The following CHRM3 variants were observed in gnomAD, a reference collection of about 807,000 sequenced individuals.
CHRM3 encodes the protein muscarinic acetylcholine receptor M3.
A neutral mutation model predicts 41.8 loss-of-function variants in CHRM3; 11 were observed. The observed-to-expected ratio is 0.26, with a 90% CI of 0.17 to 0.44. The LOEUF is 0.44. Ranked by LOEUF, CHRM3 falls within the 20% of genes least tolerant of loss-of-function variation. The probability of loss-of-function intolerance (pLI) is 1.00; values close to 1 mark genes in which losing one functional copy is unlikely to be tolerated. For synonymous variants in CHRM3, 297 were observed against 301.4 expected (o/e 0.99, Z 0.15); for missense variants, 571 against 745.4 (o/e 0.77, Z 2.72).
At chr1:239,444,927 G>A (rs1167889197) in intron 1 of CHRM3, among the ~76,000 whole-genome samples, 1 of 152,178 alleles carries the variant, frequency 6.6e-6, no homozygotes, top group African/African-American at 2.4e-5. Flanking sequence ...GAGCAAAGAT[G>A]TCACTGAGGT....
chr1:239,546,386 AC>A (rs1659302289), intron 3 of CHRM3: 1 of 152,154 alleles, frequency 6.6e-6, no homozygotes. Context: ...AACAGAGGTA[AC>A]GGATGTGAAA....
chr1:239,642,428 G>C (rs371198059), intron 4 of CHRM3, among the ~76,000 whole-genome samples: 5 of 151,978 alleles, frequency 3.3e-5, no homozygotes, highest in Non-Finnish European at 4.4e-5. Context: ...TTGGTCTTTT[G>C]ACATAGTCCC....
intron 5 of CHRM3, among the ~76,000 whole-genome samples, chr1:239,756,458 G>T (rs921601306): frequency 6.6e-6 from 1 of 152,134 alleles, no homozygotes; most frequent in African/African-American, 2.4e-5. Context: ...TTGTGGATTA[G>T]AATTCTACCT....
chr1:239,810,789 C>T (rs1671059128), intron 5 of CHRM3, among the ~76,000 whole-genome samples: 1 of 152,222 alleles, frequency 6.6e-6, no homozygotes, highest in African/African-American at 2.4e-5. Flanking sequence ...TGTTTATCAA[C>T]CCTTTGAGGC....
intron 3 of CHRM3, among the ~76,000 whole-genome samples, chr1:239,551,507 G>C (rs1367220911): frequency 7.4e-6 from 1 of 134,458 alleles, no homozygotes; most frequent in Non-Finnish European, 1.6e-5. Context: ...TAAAAATAGA[G>C]CAAAAAATAA....
chr1:239,667,539 G>A (rs934710286), intron 4 of CHRM3, among the ~76,000 whole-genome samples: 7 of 152,068 alleles, frequency 4.6e-5, no homozygotes, highest in African/African-American at 1.4e-4. Flanking sequence ...CACCACTTTT[G>A]GGCAGATGTT....
intron 3 of CHRM3, among the ~76,000 whole-genome samples, chr1:239,578,432 T>C (rs1662573904): frequency 6.6e-6 from 1 of 152,220 alleles, no homozygotes; most frequent in Non-Finnish European, 1.5e-5. Context: ...TAGCTCTGAA[T>C]AACTGAATTT....
At chr1:239,427,570 A>G (rs1009219414) in intron 1 of CHRM3, among the ~76,000 whole-genome samples, 17 of 152,050 alleles carry the variant, frequency 1.1e-4, no homozygotes, top group Admixed American at 9.2e-4. Context: ...CAAATCCATC[A>G]TGAAGCCAAA....
At chr1:239,516,161 A>G (rs1177544254) in intron 2 of CHRM3, among the ~76,000 whole-genome samples, 1 of 151,732 alleles carries the variant, frequency 6.6e-6, no homozygotes, top group Non-Finnish European at 1.5e-5. Flanking sequence ...TTTTTTCTTC[A>G]TTAGCTAAGA....
At chr1:239,890,318 G>T (rs1319379535) in intron 6 of CHRM3, among the ~76,000 whole-genome samples, 2 of 150,264 alleles carry the variant, frequency 1.3e-5, no homozygotes. Context: ...TTGCACTCCA[G>T]CCTGGGCAAC....
At chr1:239,900,395 T>G (rs1432989740) in intron 6 of CHRM3, among the ~76,000 whole-genome samples, 4 of 139,552 alleles carry the variant, frequency 2.9e-5, no homozygotes, top group Non-Finnish European at 6.0e-5. Flanking sequence ...TTTTTTTTTT[T>G]GAAATCCTTA....
At chr1:239,663,796 T>A (rs916991929) in intron 4 of CHRM3, among the ~76,000 whole-genome samples, 5 of 152,156 alleles carry the variant, frequency 3.3e-5, no homozygotes, top group African/African-American at 4.8e-5. Flanking sequence ...TCCTGGGCCT[T>A]ACCTCAGGCC....
At chr1:239,443,392 T>C (rs1663878233) in intron 1 of CHRM3, among the ~76,000 whole-genome samples, 1 of 152,084 alleles carries the variant, frequency 6.6e-6, no homozygotes, top group Non-Finnish European at 1.5e-5. Context: ...ATGTCACGAA[T>C]GCAAAATTGA....
chr1:239,493,061 A>G (rs1220894788), intron 2 of CHRM3, among the ~76,000 whole-genome samples: 1 of 152,232 alleles, frequency 6.6e-6, no homozygotes, highest in African/African-American at 2.4e-5. Flanking sequence ...ACAGCTTAAG[A>G]CTGTAGCTGA....
At chr1:239,597,472 T>G (rs1168175104) in intron 3 of CHRM3, among the ~76,000 whole-genome samples, 1 of 151,560 alleles carries the variant, frequency 6.6e-6, no homozygotes, top group Non-Finnish European at 1.5e-5. Flanking sequence ...TTCCAAAGTT[T>G]CTGATCTTGT....
At chr1:239,700,358 A>G (rs1251983770) in intron 5 of CHRM3, among the ~76,000 whole-genome samples, 1 of 152,172 alleles carries the variant, frequency 6.6e-6, no homozygotes, top group Non-Finnish European at 1.5e-5. Context: ...TTCAGTGACA[A>G]GGAGCTCACT....
chr1:239,389,014 TG>T (rs1228675925), intron 1 of CHRM3, among the ~76,000 whole-genome samples: 1 of 152,214 alleles, frequency 6.6e-6, no homozygotes, highest in East Asian at 1.9e-4. Flanking sequence ...TTCTCTAGGT[TG>T]GGGGGTATTA....
intron 3 of CHRM3, among the ~76,000 whole-genome samples, chr1:239,593,108 A>G (rs1664370920): frequency 2.0e-5 from 3 of 152,158 alleles, no homozygotes; most frequent in African/African-American, 4.8e-5. Flanking sequence ...CTTTGCTGAT[A>G]AAATCAATTA....
chr1:239,447,015 G>A (rs990803001), intron 1 of CHRM3, among the ~76,000 whole-genome samples: 1 of 152,158 alleles, frequency 6.6e-6, no homozygotes, highest in African/African-American at 2.4e-5. Flanking sequence ...GGCTATCTTT[G>A]AGTAACAGGG....
Sources: gnomAD v4.1 joint callset for allele counts (sites outside exome capture counted in the v4.1 genomes callset) on GRCh38, gnomAD v4.1.1 for gene constraint, MANE v1.5 for transcripts, NCBI Gene and HGNC (gene_info 2026-07-23, HGNC 2026-07-21) for gene names.